Variants in GAD1 observed in about 807,000 individuals in gnomAD.
GAD1 encodes 67 kDa glutamic acid decarboxylase.
A neutral mutation model predicts 75.2 loss-of-function variants in GAD1; 35 were observed. The ratio of observed to expected loss-of-function variants is 0.47; its 90% CI spans 0.36 to 0.62. The LOEUF (loss-of-function observed/expected upper bound fraction) is 0.62, where lower values mean the gene tolerates loss of function less well. GAD1 is among the 20% of genes least tolerant of loss of function. The pLI, the probability that GAD1 is intolerant of heterozygous loss-of-function variation, is 0.00. For synonymous variants in GAD1, 257 were observed against 271.9 expected, an observed-to-expected ratio of 0.95 and a Z score of 0.54; for missense variants, 490 against 758.5, an observed-to-expected ratio of 0.65 and a Z score of 4.16.
At chr2:170,835,796 A>ATTG (rs1702356112) in intron 5 of GAD1, among the ~76,000 whole-genome samples, 1 of 152,216 alleles carries the variant, frequency 6.6e-6, no homozygotes, top group South Asian at 2.1e-4. Flanking sequence ...GTTTCAAAAG[A>ATTG]CCTCAGATTC....
intron 3 of GAD1, among the ~76,000 whole-genome samples, chr2:170,823,529 G>A (rs1035534942): frequency 6.6e-6 from 1 of 152,098 alleles, no homozygotes; most frequent in South Asian, 2.1e-4. Context: ...CGGGCGGCCT[G>A]GGAGTTTGGC....
intron 7 of GAD1, among the ~76,000 whole-genome samples, chr2:170,845,147 A>G (rs1423451318): frequency 2.0e-5 from 3 of 152,208 alleles, no homozygotes; most frequent in Non-Finnish European, 2.9e-5. Context: ...TTTGTTCAGT[A>G]AATAGATTGA....
At chr2:170,859,662 G>A in intron 16 of GAD1, 47 bp from the exon 17 acceptor site, 1 of 1,580,758 alleles carries the variant, frequency 6.3e-7, no homozygotes, top group South Asian at 1.1e-5. Flanking sequence ...AAAAAGAGAG[G>A]GTGTTCATAT....
intron 12 of GAD1, among the ~76,000 whole-genome samples, chr2:170,852,184 A>C (rs1313998025): frequency 6.6e-6 from 1 of 152,186 alleles, no homozygotes; most frequent in Non-Finnish European, 1.5e-5. Flanking sequence ...TAGTTTCCCC[A>C]TCTAAAACAG....
chr2:170,853,668 T>A lies in GAD1; in HGVS notation c.1264-205T>A, dbSNP rs1702793678. The A allele has an allele frequency of 1.6e-5, 9 of 570,650 alleles. No individual in the cohort carries two copies. The South Asian group carries it at 1.7e-4, about 11-fold the overall frequency. 35.3% of individuals were successfully genotyped at this position (570,650 alleles called of 1,614,324 possible). On this transcript the variant is annotated intron_variant, in intron 13 of 16. Coordinates refer to ENST00000358196, the MANE Select transcript of GAD1 (RefSeq NM_000817.3). The surrounding 1 kb of genome is among the most constrained non-coding windows in gnomAD (Gnocchi z 4.1). ...CTGAGACGGAAAGATCATCTTCTAA[T>A]CAGAGAGTCAGAGACAAAAGGGATG...
Position 170,841,556 on chromosome 2 carries a change from A to AAATAT in GAD1, c.639-2488_639-2487insATATA, listed in dbSNP as rs755443371. Among the ~76,000 whole-genome samples, 155 of 152,312 alleles carry AAATAT rather than the reference A, an allele frequency of 1.0e-3. 1 individual carries two copies. Among genetic ancestry groups the AAATAT allele is most frequent in the Admixed American group, 3.7e-3 (56 of 15,292 alleles). ...TCTCTACACAAAATAAAATAAAATA[A>AAATAT]AGTTAAAAATAAGAAATTTTTAAAA... is the stretch of plus-strand genomic sequence containing the variant. On this transcript the variant is annotated intron_variant, in intron 6 of 16. Transcript: ENST00000358196.
At chr2:170,826,720 G>GA (rs1702034286) in intron 3 of GAD1, among the ~76,000 whole-genome samples, 1 of 152,222 alleles carries the variant, frequency 6.6e-6, no homozygotes, top group Non-Finnish European at 1.5e-5. Flanking sequence ...CTCAGGGAGT[G>GA]AGTCAGAAGC....
chr2:170,820,501 A>G (rs1207303029), intron 2 of GAD1, among the ~76,000 whole-genome samples: 1 of 152,174 alleles, frequency 6.6e-6, no homozygotes, highest in Non-Finnish European at 1.5e-5. Context: ...CCTTGCAGAC[A>G]ATACCTTTGC....
intron 6 of GAD1, among the ~76,000 whole-genome samples, chr2:170,838,100 C>A (rs1351892312): frequency 6.6e-6 from 1 of 152,184 alleles, no homozygotes; most frequent in Non-Finnish European, 1.5e-5. Context: ...ACAACAGTGA[C>A]AAATTTTAAA....
chr2:170,814,998 G>T (rs1219589594), upstream of GAD1, among the ~76,000 whole-genome samples: 1 of 152,156 alleles, frequency 6.6e-6, no homozygotes, highest in Non-Finnish European at 1.5e-5. Flanking sequence ...AAGAACGAGG[G>T]GCACCGGGAG....
At chr2:170,817,225 A>ACCCCCCCCCCCCC (rs3049870) in intron 1 of GAD1, 177 bp downstream of exon 1, 2 of 15,472 alleles carry the variant, frequency 1.3e-4, no homozygotes, top group Non-Finnish European at 3.8e-4. Context: ...CTGCGCAGGG[A>ACCCCCCCCCCCCC]CCCCCCCCCC....
intron 6 of GAD1, among the ~76,000 whole-genome samples, chr2:170,840,499 C>T (rs765349748): frequency 6.6e-6 from 1 of 152,072 alleles, no homozygotes; most frequent in African/African-American, 2.4e-5. Context: ...TTTTGTGTGC[C>T]TTTCTAATCC....
intron 3 of GAD1, among the ~76,000 whole-genome samples, chr2:170,828,407 CCT>C (rs1418323981): frequency 1.4e-5 from 2 of 146,900 alleles, no homozygotes; most frequent in Non-Finnish European, 1.5e-5. Context: ...CTGTCCCCAC[CCT>C]CCTCCCTCTG....
At chr2:170,823,241 G>A (rs2105759914) in intron 3 of GAD1, among the ~76,000 whole-genome samples, 1 of 152,324 alleles carries the variant, frequency 6.6e-6, no homozygotes, top group African/African-American at 2.4e-5. Context: ...ACGCCCGCCC[G>A]CCCTAGCCCC....
intron 15 of GAD1, among the ~76,000 whole-genome samples, chr2:170,858,580 T>C (rs1478813904): frequency 2.6e-5 from 4 of 152,230 alleles, no homozygotes; most frequent in African/African-American, 9.6e-5. Context: ...TCGGTAACTT[T>C]AGTTACCTAG....
At chr2:170,813,589 C>T (rs1285921053), upstream of GAD1, among the ~76,000 whole-genome samples, 2 of 152,192 alleles carry the variant, frequency 1.3e-5, no homozygotes, top group African/African-American at 4.8e-5. Context: ...GTCTACTCAC[C>T]TTGACTGACC....
At chr2:170,843,428 T>A (rs909680199) in intron 6 of GAD1, among the ~76,000 whole-genome samples, 1 of 152,210 alleles carries the variant, frequency 6.6e-6, no homozygotes, top group African/African-American at 2.4e-5. Flanking sequence ...CTTCAGAGAA[T>A]TATAGAAACA....
At chr2:170,837,584 A>G (rs1702408240) in intron 6 of GAD1, among the ~76,000 whole-genome samples, 1 of 151,270 alleles carries the variant, frequency 6.6e-6, no homozygotes, top group Non-Finnish European at 1.5e-5. Flanking sequence ...ATGTCAGATT[A>G]CTAATCGATG....
At chr2:170,838,763 C>A (rs1702430911) in intron 6 of GAD1, among the ~76,000 whole-genome samples, 1 of 152,184 alleles carries the variant, frequency 6.6e-6, no homozygotes, top group South Asian at 2.1e-4. Context: ...GTCCCTTACT[C>A]TTCTCTTAGC....
Sources: allele counts gnomAD v4.1 joint callset (sites outside exome capture counted in the v4.1 genomes callset), GRCh38; gene constraint gnomAD v4.1.1; non-coding constraint Gnocchi (gnomAD v3.1); transcripts MANE v1.5; gene names NCBI Gene and HGNC (gene_info 2026-07-23, HGNC 2026-07-21).